The following CTBP1 variants were observed in gnomAD, a reference collection of about 807,000 sequenced individuals.
CTBP1 encodes C-terminal binding protein 1.
Under a neutral mutation model 42.1 loss-of-function variants are expected in CTBP1, and 11 were observed. That is an observed-to-expected ratio of 0.26 (90% CI 0.16 to 0.43). CTBP1 has a LOEUF of 0.43. CTBP1 is among the 20% of genes least tolerant of loss of function. CTBP1 has a pLI of 1.00. For synonymous variants in CTBP1, 324 were observed against 277.1 expected, an observed-to-expected ratio of 1.17 and a Z score of -1.68; for missense variants, 399 against 624.3, an observed-to-expected ratio of 0.64 and a Z score of 3.85.
intron 9 of CTBP1, 79 bp from the exon 10 acceptor site, chr4:1,212,502 G>A: frequency 1.6e-6 from 2 of 1,245,316 alleles, no homozygotes; most frequent in Non-Finnish European, 2.1e-6. Context: ...AGCATCGGCA[G>A]CACCGAGGGG....
At chr4:1,243,450 G>A in intron 1 of CTBP1, 2 of 985,374 alleles carry the variant, frequency 2.0e-6, no homozygotes, top group Non-Finnish European at 1.2e-6. Flanking sequence ...TTGTTCCAAG[G>A]CTGCTCCAGT....
intron 6 of CTBP1, among the ~76,000 whole-genome samples, chr4:1,215,285 T>G (rs578060500): frequency 6.6e-6 from 1 of 152,324 alleles, no homozygotes; most frequent in South Asian, 2.1e-4. Flanking sequence ...CTGGGGCAGC[T>G]AGAGTGGGCG....
chr4:1,241,454 G>C lies in CTBP1; in HGVS notation c.-123C>G, dbSNP rs772278773. On this transcript the variant is annotated 5_prime_UTR_variant, in exon 2 of 10. Transcript: ENST00000382952. ...CTCATCCCACGTCCTTAATTGTCTCGAGCCAAAGTGCTCAGGCTTCTGATC... is the reference window on the plus strand; with the variant it reads ...CTCATCCCACGTCCTTAATTGTCTCCAGCCAAAGTGCTCAGGCTTCTGATC... 2.5e-6 allele frequency: 4 copies of C among 1,593,830 alleles called. No individual in the cohort carries two copies. The highest frequency in any genetic ancestry group is 2.2e-5 in the East Asian group (1 of 44,754).
intron 3 of CTBP1, among the ~76,000 whole-genome samples, chr4:1,230,206 C>T (rs955312139): frequency 6.6e-5 from 10 of 151,768 alleles, no homozygotes; most frequent in East Asian, 2.0e-4. Flanking sequence ...CTTGACCAGA[C>T]GTAGTGTGGA....
At chr4:1,223,393 A>G (rs1478260331) in intron 5 of CTBP1, 1 of 454,048 alleles carries the variant, frequency 2.2e-6, no homozygotes, top group Middle Eastern at 3.2e-4. Flanking sequence ...TGTTCCATGC[A>G]CATCCGTGAA....
intron 3 of CTBP1, among the ~76,000 whole-genome samples, chr4:1,234,374 C>T (rs527968569): frequency 6.6e-6 from 1 of 152,336 alleles, no homozygotes; most frequent in Non-Finnish European, 1.5e-5. Flanking sequence ...GGGGCTGCTT[C>T]AGGCCCCTCC....
chr4:1,234,091 C>G (rs1275590781), intron 3 of CTBP1, among the ~76,000 whole-genome samples: 1 of 152,190 alleles, frequency 6.6e-6, no homozygotes, highest in Non-Finnish European at 1.5e-5. Context: ...GGAGCTCAAT[C>G]CTTTGGCCAC....
rs1731352131 is a variant in CTBP1 at position 1,235,117 on chromosome 4, T to C, written c.162+3066A>G. 6.6e-6 allele frequency: 1 copy of C among 152,130 alleles called. No homozygotes were observed. The highest frequency in any genetic ancestry group is 2.1e-4 in the South Asian group (1 of 4,822). 9.4% of individuals were successfully genotyped at this position (152,130 alleles called of 1,614,324 possible). On this transcript the variant is annotated intron_variant, in intron 3 of 9. Coordinates refer to ENST00000382952, the MANE Select transcript of CTBP1 (RefSeq NM_001012614.2). The surrounding 1 kb of genome is among the most constrained non-coding windows in gnomAD (Gnocchi z 4.2). ...GGACACCGAGGGAGGTGGCCAGCATTTGCCTGGCCACTCACCCACTGAAGG... is the reference window on the plus strand; with the variant it reads ...GGACACCGAGGGAGGTGGCCAGCATCTGCCTGGCCACTCACCCACTGAAGG...
In CTBP1 at chr4:1,214,412, A is replaced by T; in HGVS notation, c.791T>A (p.Leu264Gln). The T allele has an allele frequency of 6.3e-7, 1 of 1,577,254 alleles. No individual in the cohort carries two copies. Among genetic ancestry groups the T allele is most frequent in the South Asian group, 1.2e-5 (1 of 85,878 alleles). The change falls in exon 7 of 10, where the codon CTG (leucine) becomes CAG (glutamine). Residue 264 changes from leucine (L) to glutamine (Q), a missense_variant. Around this residue, in one of 4 missense-constraint regions of CTBP1, gnomAD observed 309 missense variants for 497.5 expected, o/e 0.62. Coordinates refer to ENST00000382952, the MANE Select transcript of CTBP1 (RefSeq NM_001012614.2). ...CCGGCCCTCCTTCAGGGCCTGGGCC[A>T]GCGCCTTCTCATCCACCAGGCCACC... ...ARGGLVDEKALAQALKEGRIR... is the reference protein window; with the variant it reads ...ARGGLVDEKAQAQALKEGRIR...
rs1176706955 is a variant in CTBP1, at chr4:1,238,875, C to A, written c.8-538G>T. On this transcript the variant is annotated intron_variant, in intron 2 of 9. Transcript: ENST00000382952. This position sits in a 1 kb window ranked among gnomAD's most constrained non-coding sequence, Gnocchi z 5.9. The stretch of plus-strand genomic sequence containing the variant: ...CATGAGGCAGGGGGACAGGAGGGAC[C>A]CAGGACACTGGAGGACACAAGATGA... Among the ~76,000 whole-genome samples the A allele has an allele frequency of 1.3e-5, 2 of 151,784 alleles. No individual in the cohort carries two copies. Among genetic ancestry groups the A allele is most frequent in the African/African-American group, 4.8e-5 (2 of 41,280 alleles).
chr4:1,234,658 T>C (rs1408569392), intron 3 of CTBP1: 1 of 152,242 alleles, frequency 6.6e-6, no homozygotes, highest in Non-Finnish European at 1.5e-5. Flanking sequence ...TTGGCAAAAC[T>C]GTTTGAGTAT....
In CTBP1 at chr4:1,237,788, A is replaced by G. The variant is rs570394785; in HGVS notation, c.162+395T>C. On this transcript the variant is annotated intron_variant, in intron 3 of 9. Transcript: ENST00000382952. ...GGGGCTCAGGACAAACCCCGTGTCCACCTCCTGATGGGGCACAGGGCAAAA... is the reference window on the plus strand; with the variant it reads ...GGGGCTCAGGACAAACCCCGTGTCCGCCTCCTGATGGGGCACAGGGCAAAA... 335 of 690,034 alleles carry G rather than the reference A, an allele frequency of 4.9e-4. 3 individuals are homozygous for G. The East Asian group carries it at 9.0e-3, about 19-fold the overall frequency. The allele number at this position is 690,034 out of a possible 1,614,324, so 42.7% of individuals were successfully genotyped here. A position where few individuals can be genotyped will look rare whatever the true frequency, so the allele number is the denominator to read the frequency against.
In CTBP1 at chr4:1,214,489, A is replaced by ACAGGC. The variant is rs1163443861; in HGVS notation, c.730-21_730-17dup. ...CTTGTCTCATCTAGAAGACATAAGGACAGGCCAGGCCCAGTCAGGGATCCG... is the reference window on the plus strand; with the variant it reads ...CTTGTCTCATCTAGAAGACATAAGGACAGGCCAGGCCAGGCCCAGTCAGGGATCCG... On this transcript the variant is annotated splice_polypyrimidine_tract_variant and intron_variant, in intron 6 of 9. Coordinates refer to ENST00000382952, the MANE Select transcript of CTBP1 (RefSeq NM_001012614.2). The ACAGGC allele has an allele frequency of 1.0e-5, 16 of 1,570,216 alleles. No individual in the cohort carries two copies. The highest frequency in any genetic ancestry group is 1.4e-5 in the Non-Finnish European group (16 of 1,163,434).
intron 5 of CTBP1, chr4:1,223,505 T>G (rs1357660955): frequency 4.4e-6 from 2 of 453,204 alleles, no homozygotes; most frequent in East Asian, 1.4e-4. Flanking sequence ...TCAGCAGGAG[T>G]GGGCTGCCTG....
intron 3 of CTBP1, among the ~76,000 whole-genome samples, chr4:1,229,681 C>G (rs1307069604): frequency 6.6e-6 from 1 of 152,224 alleles, no homozygotes; most frequent in African/African-American, 2.4e-5. Context: ...CTGGGCAGAG[C>G]AGCTGGTGTT....
At chr4:1,248,858 G>GCCCCCCCC in intron 1 of CTBP1, 58 bp downstream of exon 1, 1 of 904,638 alleles carries the variant, frequency 1.1e-6, no homozygotes, top group Non-Finnish European at 1.3e-6. Context: ...CGCCCGCGCG[G>GCCCCCCCC]CACCCGCCCC....
rs527762070 is a variant in CTBP1, at chr4:1,242,517, C to T, written c.-188-998G>A. 3.9e-5 allele frequency: 38 copies of T among 971,918 alleles called. No homozygotes were observed. In the East Asian group the frequency reaches 3.9e-3, roughly 100 times the overall value. 60.2% of individuals were successfully genotyped at this position (971,918 alleles called of 1,614,324 possible). On this transcript the variant is annotated intron_variant, in intron 1 of 9. Coordinates refer to ENST00000382952, the MANE Select transcript of CTBP1 (RefSeq NM_001012614.2). ...AGAGGCCTCGCAGACAAATCTCCAACCCTCAACTCCCTCTGCAGGATTCAA... is the reference window on the plus strand; with the variant it reads ...AGAGGCCTCGCAGACAAATCTCCAATCCTCAACTCCCTCTGCAGGATTCAA...
At chr4:1,215,917 G>A in intron 6 of CTBP1, 74 bp downstream of exon 6, 1 of 1,480,212 alleles carries the variant, frequency 6.8e-7, no homozygotes, top group African/African-American at 1.4e-5. Context: ...ATGGCTGCTG[G>A]GAGGGACCTG....
chr4:1,226,721 C>A (rs1730388591), intron 4 of CTBP1, among the ~76,000 whole-genome samples: 1 of 151,688 alleles, frequency 6.6e-6, no homozygotes, highest in South Asian at 2.1e-4. Flanking sequence ...CACCCGACAC[C>A]ACACACCCAG....
Sources: gnomAD v4.1 joint callset for allele counts (sites outside exome capture counted in the v4.1 genomes callset) on GRCh38, gnomAD v4.1.1 for gene constraint, gnomAD v4.1.1 regional missense constraint, Gnocchi (gnomAD v3.1) non-coding constraint, MANE v1.5 for transcripts, NCBI Gene and HGNC (gene_info 2026-07-23, HGNC 2026-07-21) for gene names.